MOXD1: variants seen among roughly 807,000 people sequenced by gnomAD.
MOXD1 encodes the protein DBH-like monooxygenase protein 1.
Under a neutral mutation model 66.6 loss-of-function variants are expected in MOXD1, and 62 were observed. That is an observed-to-expected ratio of 0.93 (90% CI 0.76 to 1.15). MOXD1 has a LOEUF of 1.15. MOXD1 is among the 50% of genes most tolerant of loss of function. The pLI is 0.00. For synonymous variants in MOXD1, 303 were observed against 281.9 expected (o/e 1.07, Z -0.75); for missense variants, 847 against 754.6 (o/e 1.12, Z -1.44).
chr6:132,328,057 T>G lies in MOXD1; in HGVS notation c.902A>C (p.Tyr301Ser). The change falls in exon 6 of 12, where the codon TAT becomes TCT. Residue 301 changes from tyrosine to serine, a missense_variant. Physicochemically the swap from Tyr to Ser is moderately radical, Grantham distance 144. Coordinates refer to ENST00000367963, the MANE Select transcript of MOXD1 (RefSeq NM_015529.4). ...LSLGTPLDPH[Y>S]VLLEVHYDNP... ...ATCATAATGGACTTCTAGGAGCACA[T>G]AATGCGGATCTAATGGAGTGCCAAG... The G allele has an allele frequency of 6.2e-7, 1 of 1,613,958 alleles. No individual in the cohort carries two copies. Among genetic ancestry groups the G allele is most frequent in the African/African-American group, 1.3e-5 (1 of 75,018 alleles).
At chr6:132,365,748 A>G (rs1225848164) in intron 4 of MOXD1, among the ~76,000 whole-genome samples, 2 of 152,204 alleles carry the variant, frequency 1.3e-5, no homozygotes, top group Non-Finnish European at 2.9e-5. Flanking sequence ...ACTCAAGAGG[A>G]TCTTGAATGA....
chr6:132,319,478 G>T (rs920171016), intron 9 of MOXD1, among the ~76,000 whole-genome samples: 11 of 151,864 alleles, frequency 7.2e-5, no homozygotes, highest in African/African-American at 2.7e-4. Context: ...TCTAGTGTTA[G>T]ATTTTATTTC....
At chr6:132,344,686 T>A (rs567355598) in intron 4 of MOXD1, among the ~76,000 whole-genome samples, 29 of 152,208 alleles carry the variant, frequency 1.9e-4, no homozygotes, top group Middle Eastern at 6.8e-3. Context: ...TTGAGTGGTG[T>A]CTTTATTTTA....
chr6:132,372,841 C>T lies in MOXD1; in HGVS notation c.568G>A (p.Val190Ile), dbSNP rs1460319353. ...CTGAAAACACTTACGTCCTGATTTA[C>T]CAGATCAAAGTATGGTAAGGCTGTA... ...LSTALPYFDL[V>I]NQDVPIPNKD... The change falls in exon 3 of 12, where the codon GTA (valine) becomes ATA (isoleucine). Residue 190 changes from valine (V) to isoleucine (I), a missense_variant. Physicochemically the swap from Val to Ile is conservative, Grantham distance 29 (BLOSUM62 3). Transcript: ENST00000367963. 1 of 1,613,734 alleles carries T rather than the reference C, an allele frequency of 6.2e-7. No homozygotes were observed. Among genetic ancestry groups the T allele is most frequent in the Non-Finnish European group, 8.5e-7 (1 of 1,179,810 alleles).
intron 4 of MOXD1, among the ~76,000 whole-genome samples, chr6:132,360,140 G>C (rs1391861954): frequency 6.6e-6 from 1 of 152,222 alleles, no homozygotes; most frequent in Non-Finnish European, 1.5e-5. Flanking sequence ...TAATACTTCA[G>C]AATGTTAATG....
chr6:132,313,624 C>T (rs920113004), intron 10 of MOXD1, among the ~76,000 whole-genome samples: 5 of 152,098 alleles, frequency 3.3e-5, no homozygotes, highest in African/African-American at 1.2e-4. Context: ...TCTCAAAACT[C>T]TATGTGTGGC....
intron 4 of MOXD1, among the ~76,000 whole-genome samples, chr6:132,350,833 C>A (rs999636622): frequency 5.1e-4 from 78 of 152,128 alleles, no homozygotes; most frequent in African/African-American, 1.8e-3. Context: ...TTGTAGAGGT[C>A]CTTGGCCTCT....
intron 4 of MOXD1, among the ~76,000 whole-genome samples, chr6:132,371,103 T>C (rs1310887846): frequency 6.6e-6 from 1 of 152,162 alleles, no homozygotes; most frequent in Non-Finnish European, 1.5e-5. Flanking sequence ...GTTTGAAACA[T>C]TTGTTTCTAT....
Position 132,400,984 on chromosome 6 carries a change from T to C in MOXD1, c.264+179A>G, listed in dbSNP as rs567798861. 1.4e-4 allele frequency among the ~76,000 whole-genome samples: 22 copies of C among 152,288 alleles called. No individual in the cohort carries two copies. The South Asian group carries it at 2.9e-3, about 20-fold the overall frequency. On this transcript the variant is annotated intron_variant, in intron 1 of 11. Coordinates refer to ENST00000367963, the MANE Select transcript of MOXD1 (RefSeq NM_015529.4). Reference sequence around the variant, plus strand: ...CTCGGCTTCCCTACCGCGCGCCTTCTGGGGCTCCGGGAGAGCAGGCGCTGC... The same window carrying C: ...CTCGGCTTCCCTACCGCGCGCCTTCCGGGGCTCCGGGAGAGCAGGCGCTGC...
intron 11 of MOXD1, 71 bp downstream of exon 11, chr6:132,297,716 C>T: frequency 6.7e-7 from 1 of 1,485,452 alleles, no homozygotes; most frequent in South Asian, 1.5e-5. Context: ...TTTGTCTTCT[C>T]CTTAGGTTTT....
intron 4 of MOXD1, among the ~76,000 whole-genome samples, chr6:132,351,387 T>A (rs1222084676): frequency 6.6e-6 from 1 of 152,214 alleles, no homozygotes; most frequent in African/African-American, 2.4e-5. Flanking sequence ...TTTCTGCATC[T>A]ATTGAGATGA....
intron 1 of MOXD1, among the ~76,000 whole-genome samples, chr6:132,383,040 C>G (rs1322640123): frequency 6.6e-6 from 1 of 152,158 alleles, no homozygotes; most frequent in Non-Finnish European, 1.5e-5. Context: ...TGAATGTAAG[C>G]ACAGCTGCAG....
chr6:132,340,638 A>ATCTTTTTTT (rs1562287208), intron 4 of MOXD1, among the ~76,000 whole-genome samples: 7 of 98,786 alleles, frequency 7.1e-5, no homozygotes, highest in African/African-American at 3.1e-4. Context: ...AACAAGACTC[A>ATCTTTTTTT]TTTTTTTTTT....
intron 4 of MOXD1, among the ~76,000 whole-genome samples, chr6:132,329,672 A>T: frequency 6.6e-6 from 1 of 152,144 alleles, no homozygotes; most frequent in East Asian, 1.9e-4. Context: ...AGAAGAATTA[A>T]ATTGTAATCT....
At chr6:132,382,229 T>G (rs1463047452) in intron 1 of MOXD1, among the ~76,000 whole-genome samples, 2 of 152,066 alleles carry the variant, frequency 1.3e-5, no homozygotes, top group Non-Finnish European at 2.9e-5. Flanking sequence ...GTAAGAAGGA[T>G]AGAGAGGATT....
chr6:132,364,929 C>T (rs1245781972), intron 4 of MOXD1, among the ~76,000 whole-genome samples: 2 of 152,086 alleles, frequency 1.3e-5, no homozygotes, highest in African/African-American at 4.8e-5. Context: ...TGCTCTGACC[C>T]TGTAGGCCAT....
Position 132,372,593 on chromosome 6 carries a change from G to A in MOXD1, c.663+15C>T. On this transcript the variant is annotated intron_variant, in intron 4 of 11. Transcript: ENST00000367963. ...CTCATGAAAATTAATTTTAGCCTAT[G>A]AATGAGTCACATACCTTTATTACAT... 1 of 1,589,280 alleles carries A rather than the reference G, an allele frequency of 6.3e-7. No individual in the cohort carries two copies. The highest frequency in any genetic ancestry group is 8.6e-7 in the Non-Finnish European group (1 of 1,157,976).
intron 7 of MOXD1, 55 bp from the exon 8 acceptor site, chr6:132,322,925 A>C (rs1775109478): frequency 6.9e-7 from 1 of 1,455,386 alleles, no homozygotes. Flanking sequence ...ATGTTCAGAC[A>C]GTTTACATTC....
intron 1 of MOXD1, among the ~76,000 whole-genome samples, chr6:132,400,515 G>T (rs999402686): frequency 6.6e-6 from 1 of 151,892 alleles, no homozygotes; most frequent in African/African-American, 2.4e-5. Flanking sequence ...AACTTTATTG[G>T]TTATTAAAGT....
Sources: allele counts gnomAD v4.1 joint callset (sites outside exome capture counted in the v4.1 genomes callset), GRCh38; gene constraint gnomAD v4.1.1; transcripts MANE v1.5; gene names NCBI Gene and HGNC (gene_info 2026-07-23, HGNC 2026-07-21).